The following KLHL14 variants were observed in gnomAD, a reference collection of about 807,000 sequenced individuals.
KLHL14 encodes the protein kelch-like protein 14.
KLHL14 carries 22 observed loss-of-function variants against 64.3 expected under a neutral mutation model. The observed-to-expected ratio is 0.34, with a 90% CI of 0.24 to 0.49. KLHL14 has a LOEUF of 0.49. Among genes scored for constraint, KLHL14 ranks in the 20% least tolerant of loss-of-function variants. KLHL14 has a pLI of 0.99. For synonymous variants in KLHL14, 322 were observed against 333.4 expected (o/e 0.97, Z 0.37); for missense variants, 661 against 789.0 (o/e 0.84, Z 1.94).
intron 3 of KLHL14, among the ~76,000 whole-genome samples, chr18:32,725,278 C>A (rs2050102595): frequency 6.6e-6 from 1 of 152,164 alleles, no homozygotes; most frequent in Non-Finnish European, 1.5e-5. Flanking sequence ...AATCTTCCCA[C>A]CTTGGCTTCC....
chr18:32,761,590 G>A lies in KLHL14; in HGVS notation c.947+8055C>T, dbSNP rs181321158. 4.3e-4 allele frequency among the ~76,000 whole-genome samples: 66 copies of A among 152,036 alleles called. 1 individual carries two copies. The highest frequency in any genetic ancestry group is 8.2e-4 in the African/African-American group (34 of 41,464). ...CAGAGAAAGTCTTCTCCAGTCACTC[G>A]GATAAGGTTACAGCTGTCTGTTATA... is the stretch of plus-strand genomic sequence containing the variant. On this transcript the variant is annotated intron_variant, in intron 2 of 8. Coordinates refer to ENST00000359358, the MANE Select transcript of KLHL14 (RefSeq NM_020805.3).
chr18:32,691,520 A>G (rs891141417), intron 4 of KLHL14, among the ~76,000 whole-genome samples: 3 of 152,168 alleles, frequency 2.0e-5, no homozygotes, highest in African/African-American at 7.2e-5. Context: ...CCTGGATAAC[A>G]GAGTGAGATC....
chr18:32,714,381 C>T (rs957006026), intron 3 of KLHL14, among the ~76,000 whole-genome samples: 2 of 152,164 alleles, frequency 1.3e-5, no homozygotes, highest in Non-Finnish European at 2.9e-5. Context: ...TTTCCTCTTT[C>T]ATCCAAGTTG....
At chr18:32,686,337 C>T (rs1164863872) in intron 5 of KLHL14, among the ~76,000 whole-genome samples, 1 of 151,978 alleles carries the variant, frequency 6.6e-6, no homozygotes, top group Non-Finnish European at 1.5e-5. Flanking sequence ...GTCTATCACA[C>T]TGGAGAATTT....
In KLHL14 at chr18:32,672,758, T is replaced by G. The variant is rs892963737; in HGVS notation, c.*1899A>C. The G allele has an allele frequency of 2.0e-5, 3 of 152,674 alleles. No individual in the cohort carries two copies. Among genetic ancestry groups the G allele is most frequent in the African/African-American group, 7.2e-5 (3 of 41,460 alleles). The allele number at this position is 152,674 out of a possible 1,614,324, so 9.5% of individuals were successfully genotyped here. A position where few individuals can be genotyped will look rare whatever the true frequency, so the allele number is the denominator to read the frequency against. ...CTAATACTGTACAAAATTTACATTC[T>G]CTGTGACTTATTTATTCACTTTTCA... On this transcript the variant is annotated 3_prime_UTR_variant, in exon 9 of 9. Transcript: ENST00000359358.
rs144340455 is a variant in KLHL14 at position 32,700,077 on chromosome 18, C to T, written c.1070-4525G>A. 1.8e-3 allele frequency among the ~76,000 whole-genome samples: 275 copies of T among 152,278 alleles called. 1 individual carries two copies. Among genetic ancestry groups the T allele is most frequent in the African/African-American group, 6.3e-3 (263 of 41,564 alleles). On this transcript the variant is annotated intron_variant, in intron 3 of 8. Transcript: ENST00000359358. ...GGCCTTACTGTACTAGAGATCCACA[C>T]TACTGTGTCTCCTCCCACATTTTAC...
chr18:32,688,044 T>C (rs887465733), intron 4 of KLHL14, among the ~76,000 whole-genome samples: 15 of 152,216 alleles, frequency 9.9e-5, no homozygotes, highest in African/African-American at 2.9e-4. Flanking sequence ...CTGAGAAGCA[T>C]GGTAATGCCT....
intron 4 of KLHL14, among the ~76,000 whole-genome samples, chr18:32,688,087 CAT>C (rs745822504): frequency 2.0e-5 from 3 of 152,174 alleles, no homozygotes; most frequent in Non-Finnish European, 4.4e-5. Flanking sequence ...ATTTTATATA[CAT>C]GTTAACATTA....
At chr18:32,695,940 T>A (rs754676160) in intron 3 of KLHL14, among the ~76,000 whole-genome samples, 5 of 152,146 alleles carry the variant, frequency 3.3e-5, no homozygotes, top group Non-Finnish European at 7.4e-5. Flanking sequence ...TAACCCTGAA[T>A]ACACTTGGAG....
intron 7 of KLHL14, among the ~76,000 whole-genome samples, chr18:32,679,467 A>G (rs994654403): frequency 3.2e-4 from 49 of 152,174 alleles, no homozygotes; most frequent in African/African-American, 9.4e-4. Flanking sequence ...GGCCCAAAGC[A>G]GTTCAATAAT....
At position 32,769,955 on chromosome 18, in the gene KLHL14, C is replaced by A; in HGVS notation, c.637G>T (p.Val213Leu). ...ATCTCCTCGAAGTTGAGCAGCAGCA[C>A]ATCCTCCACCAGGTACTTGTTGGCC... Reference protein sequence around the residue: ...KLANKYLVEDVLLLNFEEMRA... With the variant: ...KLANKYLVEDLLLLNFEEMRA... The change falls in exon 2 of 9, where the codon GTG becomes TTG. Residue 213 changes from valine to leucine, a missense_variant. Around this residue, in one of 2 missense-constraint regions of KLHL14, gnomAD observed 331 missense variants for 339.0 expected, o/e 0.98. Transcript: ENST00000359358. 1 of 1,614,234 alleles carries A rather than the reference C, an allele frequency of 6.2e-7. No homozygotes were observed. The highest frequency in any genetic ancestry group is 1.3e-5 in the African/African-American group (1 of 75,070).
chr18:32,723,410 T>C (rs1270161199), intron 3 of KLHL14, among the ~76,000 whole-genome samples: 5 of 152,162 alleles, frequency 3.3e-5, no homozygotes, highest in African/African-American at 1.2e-4. Context: ...TGCCTCTGGC[T>C]TCTGGATGGA....
intron 3 of KLHL14, among the ~76,000 whole-genome samples, chr18:32,712,472 A>G (rs965737777): frequency 2.0e-5 from 3 of 152,060 alleles, no homozygotes; most frequent in African/African-American, 7.2e-5. Context: ...CAAGCTCTCT[A>G]TTTGTGTACT....
chr18:32,694,432 C>A (rs147551792), intron 4 of KLHL14, among the ~76,000 whole-genome samples: 37 of 152,328 alleles, frequency 2.4e-4, no homozygotes, highest in African/African-American at 8.9e-4. Flanking sequence ...ATCATCCTTG[C>A]TCCTGTTCCA....
At chr18:32,740,292 G>T (rs1257282807) in intron 3 of KLHL14, among the ~76,000 whole-genome samples, 1 of 152,138 alleles carries the variant, frequency 6.6e-6, no homozygotes, top group East Asian at 1.9e-4. Context: ...ACCTATCTTT[G>T]AGCAAGGTTT....
intron 3 of KLHL14, among the ~76,000 whole-genome samples, chr18:32,708,019 A>G (rs2049998952): frequency 6.6e-6 from 1 of 152,204 alleles, no homozygotes; most frequent in African/African-American, 2.4e-5. Flanking sequence ...TTTTCAAGGT[A>G]CAACCTACAG....
At chr18:32,728,644 T>C (rs2050119014) in intron 3 of KLHL14, among the ~76,000 whole-genome samples, 1 of 152,196 alleles carries the variant, frequency 6.6e-6, no homozygotes, top group Non-Finnish European at 1.5e-5. Context: ...CTAACACCAA[T>C]GCTTTTGTCT....
intron 4 of KLHL14, among the ~76,000 whole-genome samples, chr18:32,692,710 G>A (rs1388520205): frequency 6.6e-6 from 1 of 152,184 alleles, no homozygotes; most frequent in Non-Finnish European, 1.5e-5. Flanking sequence ...GAAACACAGT[G>A]TATTACAGTG....
chr18:32,745,376 G>T (rs897938495), intron 2 of KLHL14: 1 of 152,138 alleles, frequency 6.6e-6, no homozygotes, highest in Admixed American at 6.5e-5. Context: ...ACAGAGGAAA[G>T]AACACATCAA....
Sources: gnomAD v4.1 joint callset for allele counts (sites outside exome capture counted in the v4.1 genomes callset) on GRCh38, gnomAD v4.1.1 for gene constraint, gnomAD v4.1.1 regional missense constraint, MANE v1.5 for transcripts, NCBI Gene and HGNC (gene_info 2026-07-23, HGNC 2026-07-21) for gene names.